Variants in DLG2 observed in about 807,000 individuals in gnomAD.
DLG2 encodes disks large homolog 2.
Under a neutral mutation model 132.5 loss-of-function variants are expected in DLG2, and 45 were observed. The observed-to-expected ratio is 0.34, with a 90% CI of 0.27 to 0.44. The LOEUF is 0.44. Ranked by LOEUF, DLG2 falls within the 20% of genes least tolerant of loss-of-function variation. DLG2 has a pLI of 1.00. For synonymous variants in DLG2, 424 were observed against 419.6 expected, an observed-to-expected ratio of 1.01 and a Z score of -0.13; for missense variants, 1,045 against 1,196.9, an observed-to-expected ratio of 0.87 and a Z score of 1.87.
intron 3 of DLG2, among the ~76,000 whole-genome samples, chr11:85,418,988 C>A (rs2152991995): frequency 6.8e-6 from 1 of 147,628 alleles, no homozygotes; most frequent in South Asian, 2.1e-4. Context: ...TGCTAGCTGT[C>A]AGTAAGTTGA....
chr11:83,775,429 T>C (rs1422047733), intron 18 of DLG2, among the ~76,000 whole-genome samples: 2 of 152,250 alleles, frequency 1.3e-5, no homozygotes, highest in African/African-American at 2.4e-5. Context: ...AAACCACTTA[T>C]GCTTTCTGTG....
rs1368994064 is a variant in DLG2 at position 83,480,675 on chromosome 11, T to C, written c.2293+3454A>G. On this transcript the variant is annotated intron_variant, in intron 22 of 27. Coordinates refer to ENST00000376104, the MANE Select transcript of DLG2 (RefSeq NM_001142699.3). ...CTTTAATTACAAAAAATGCATAATG[T>C]CAATTTAGGCGATTAGAAAAATACT... The C allele has an allele frequency of 4.6e-6, 7 of 1,509,712 alleles. No individual in the cohort carries two copies. The Admixed American group carries it at 1.4e-4, about 30-fold the overall frequency. 93.5% of individuals were successfully genotyped at this position (1,509,712 alleles called of 1,614,324 possible). A position where few individuals can be genotyped will look rare whatever the true frequency, so the allele number is the denominator to read the frequency against.
chr11:84,268,388 G>A (rs930298411), intron 7 of DLG2, among the ~76,000 whole-genome samples: 1 of 151,710 alleles, frequency 6.6e-6, no homozygotes, highest in African/African-American at 2.4e-5. Flanking sequence ...GCTCTCTGAG[G>A]TTGGAACACT....
At chr11:84,431,876 T>A (rs922859926) in intron 7 of DLG2, among the ~76,000 whole-genome samples, 1 of 152,190 alleles carries the variant, frequency 6.6e-6, no homozygotes, top group Non-Finnish European at 1.5e-5. Context: ...TCATGATGTG[T>A]TATGGTTTCA....
intron 9 of DLG2, among the ~76,000 whole-genome samples, chr11:84,144,740 T>A (rs183452835): frequency 5.9e-5 from 9 of 152,110 alleles, no homozygotes. Context: ...GGTTGTCTTG[T>A]CACTGTGTAA....
chr11:84,547,479 A>G (rs996769276), intron 6 of DLG2, among the ~76,000 whole-genome samples: 21 of 152,168 alleles, frequency 1.4e-4, no homozygotes, highest in African/African-American at 5.1e-4. Context: ...CTTCTATGCC[A>G]GATATTGTAC....
At chr11:85,253,424 G>T (rs1217880180) in intron 4 of DLG2, among the ~76,000 whole-genome samples, 1 of 152,152 alleles carries the variant, frequency 6.6e-6, no homozygotes, top group African/African-American at 2.4e-5. Context: ...TTTAGTGCTG[G>T]GAGGGGTGAA....
At chr11:85,431,428 C>T (rs547801314) in intron 3 of DLG2, among the ~76,000 whole-genome samples, 3 of 152,336 alleles carry the variant, frequency 2.0e-5, no homozygotes, top group Admixed American at 6.5e-5. Context: ...AGATCCCACT[C>T]GTGAGCACAG....
intron 19 of DLG2, among the ~76,000 whole-genome samples, chr11:83,576,698 T>C (rs1306609085): frequency 6.6e-6 from 1 of 152,070 alleles, no homozygotes; most frequent in Non-Finnish European, 1.5e-5. Flanking sequence ...CTTTCAAAAA[T>C]AAAGGCAAAA....
At chr11:84,441,132 A>ATTTATT (rs2099016065) in intron 7 of DLG2, among the ~76,000 whole-genome samples, 2 of 148,594 alleles carry the variant, frequency 1.3e-5, no homozygotes, top group Admixed American at 6.7e-5. Flanking sequence ...GATGTTAGTA[A>ATTTATT]ATTATTATTA....
At chr11:83,863,836 G>A (rs2061839163) in intron 16 of DLG2, among the ~76,000 whole-genome samples, 1 of 152,114 alleles carries the variant, frequency 6.6e-6, no homozygotes, top group Non-Finnish European at 1.5e-5. Context: ...ATACCAGGCT[G>A]CTATACCAAG....
At position 84,591,008 on chromosome 11, in the gene DLG2, T is replaced by C. The variant is rs1015523819; in HGVS notation, c.358-56277A>G. Among the ~76,000 whole-genome samples, 4 of 152,142 alleles carry C rather than the reference T, an allele frequency of 2.6e-5. No homozygotes were observed. In the South Asian group the frequency reaches 6.2e-4, roughly 24 times the overall value. On this transcript the variant is annotated intron_variant, in intron 6 of 27. Coordinates refer to ENST00000376104, the MANE Select transcript of DLG2 (RefSeq NM_001142699.3). ...CTATACTTCCTTATTTCTCTCACAA[T>C]AGAGTCCACCTTACTTAGTGCCACA...
At chr11:84,525,470 G>A (rs1295740258) in intron 7 of DLG2, among the ~76,000 whole-genome samples, 1 of 151,926 alleles carries the variant, frequency 6.6e-6, no homozygotes, top group African/African-American at 2.4e-5. Context: ...ATGTCTCAAT[G>A]TCCTGATGAT....
intron 3 of DLG2, among the ~76,000 whole-genome samples, chr11:85,418,855 A>G (rs2090072091): frequency 6.6e-6 from 1 of 152,174 alleles, no homozygotes; most frequent in Non-Finnish European, 1.5e-5. Context: ...TCCTGAATAC[A>G]GCACACTGAT....
chr11:83,899,215 C>T (rs7942499), intron 15 of DLG2, among the ~76,000 whole-genome samples: 47,429 of 151,260 alleles, frequency 0.31, 8,285 homozygotes, highest in African/African-American at 0.45. Context: ...GATTTTTCTC[C>T]GAAACTTTGT....
At chr11:85,112,055 G>T (rs1012571080) in intron 5 of DLG2, among the ~76,000 whole-genome samples, 1 of 151,934 alleles carries the variant, frequency 6.6e-6, no homozygotes, top group Non-Finnish European at 1.5e-5. Context: ...TCTCTTCCAG[G>T]CTCCTAATCA....
intron 8 of DLG2, among the ~76,000 whole-genome samples, chr11:84,208,341 C>CTTTT (rs775828270): frequency 3.3e-5 from 4 of 122,784 alleles, no homozygotes; most frequent in Non-Finnish European, 6.7e-5. Context: ...TCAGAATAAA[C>CTTTT]TTTTTTTTTT....
chr11:84,533,168 T>C (rs541799980), intron 7 of DLG2, among the ~76,000 whole-genome samples: 120 of 152,372 alleles, frequency 7.9e-4, no homozygotes, highest in Middle Eastern at 3.4e-3. Context: ...TGAGTAGCTA[T>C]AAATGTCAGG....
chr11:84,812,660 G>A (rs1026139542), intron 6 of DLG2, among the ~76,000 whole-genome samples: 11 of 152,102 alleles, frequency 7.2e-5, no homozygotes, highest in South Asian at 2.1e-4. Flanking sequence ...ACAGCAATAT[G>A]AAATATAAAT....
Sources: gnomAD v4.1 joint callset for allele counts (sites outside exome capture counted in the v4.1 genomes callset) on GRCh38, gnomAD v4.1.1 for gene constraint, MANE v1.5 for transcripts, NCBI Gene and HGNC (gene_info 2026-07-23, HGNC 2026-07-21) for gene names.